DOCK5: variants seen among roughly 807,000 people sequenced by gnomAD.
DOCK5 encodes the protein dedicator of cytokinesis 5, also known as dedicator of cytokinesis protein 5.
In DOCK5, 142 loss-of-function variants were observed where a neutral mutation model predicts 251.8. The ratio of observed to expected loss-of-function variants is 0.56; its 90% CI spans 0.49 to 0.65. The LOEUF (loss-of-function observed/expected upper bound fraction) is 0.65. Ranked by LOEUF, DOCK5 falls within the 30% of genes least tolerant of loss-of-function variation. DOCK5 has a pLI of 0.00. For missense variants in DOCK5, 2,111 were observed against 2,312.3 expected, an observed-to-expected ratio of 0.91 and a Z score of 1.79; for synonymous variants, 842 against 835.5, an observed-to-expected ratio of 1.01 and a Z score of -0.13.
intron 5 of DOCK5, among the ~76,000 whole-genome samples, chr8:25,279,528 G>A (rs1804134049): frequency 6.6e-6 from 1 of 151,458 alleles, no homozygotes; most frequent in African/African-American, 2.4e-5. Flanking sequence ...CTGCAGTGGC[G>A]CTGTCCCGGC....
At chr8:25,360,011 C>T (rs192912067) in intron 28 of DOCK5, among the ~76,000 whole-genome samples, 6 of 152,302 alleles carry the variant, frequency 3.9e-5, no homozygotes, top group Admixed American at 2.6e-4. Flanking sequence ...GAGCAGTGGA[C>T]AGGATGTGCC....
intron 4 of DOCK5, 56 bp from the exon 5 acceptor site, chr8:25,278,513 A>C (rs942135273): frequency 1.2e-5 from 19 of 1,540,392 alleles, no homozygotes; most frequent in Non-Finnish European, 1.5e-5. Context: ...ATCCCCATCA[A>C]GTAAAGCAGT....
chr8:25,390,254 A>T lies in DOCK5; in HGVS notation c.4322A>T (p.Tyr1441Phe). ...VKPVMSLPPS[Y>F]KDKPVPEQIL... Reference sequence around the variant, plus strand: ...CCAGTGATGAGCTTGCCGCCCAGCTACAAGGATAAACCTGTTCCAGAGCAG... The same window carrying T: ...CCAGTGATGAGCTTGCCGCCCAGCTTCAAGGATAAACCTGTTCCAGAGCAG... Residue 1441 changes from tyrosine (Y) to phenylalanine (F), a missense_variant, in exon 42 of 52, where the codon TAC becomes TTC. Physicochemically the swap from Tyr to Phe is conservative, Grantham distance 22. Transcript: ENST00000276440. 6.3e-7 allele frequency: 1 copy of T among 1,591,556 alleles called. No individual in the cohort carries two copies. The highest frequency in any genetic ancestry group is 8.6e-7 in the Non-Finnish European group (1 of 1,168,450).
intron 40 of DOCK5, among the ~76,000 whole-genome samples, chr8:25,385,159 T>G (rs1801142124): frequency 6.6e-6 from 1 of 152,080 alleles, no homozygotes; most frequent in African/African-American, 2.4e-5. Flanking sequence ...TGGAAGAGCC[T>G]GCAGGGCCTT....
At chr8:25,400,022 C>T (rs548378694) in intron 46 of DOCK5, 28 bp downstream of exon 46, 14 of 1,580,296 alleles carry the variant, frequency 8.9e-6, no homozygotes, top group East Asian at 6.7e-5. Context: ...TCTACACTCC[C>T]AGGGAGGCCA....
At chr8:25,299,335 T>C (rs1465430056) in intron 8 of DOCK5, 3 of 455,370 alleles carry the variant, frequency 6.6e-6, no homozygotes, top group African/African-American at 6.0e-5. Flanking sequence ...TAAAACTCAT[T>C]AGGGCTTGGA....
chr8:25,230,998 A>C lies in DOCK5; in HGVS notation c.44-12676A>C, dbSNP rs563415521. Among the ~76,000 whole-genome samples the C allele has an allele frequency of 7.9e-5, 12 of 152,266 alleles. No individual in the cohort carries two copies. The South Asian group carries it at 2.5e-3, about 32-fold the overall frequency. On this transcript the variant is annotated intron_variant, in intron 1 of 51. Coordinates refer to ENST00000276440, the MANE Select transcript of DOCK5 (RefSeq NM_024940.8). ...AATCCTATACTCATGCTCTTCCCTA[A>C]TTGTCTGACACCTTGGCCCCACCCT...
chr8:25,346,010 C>A (rs941447645), intron 26 of DOCK5, among the ~76,000 whole-genome samples: 2 of 152,164 alleles, frequency 1.3e-5, no homozygotes, highest in East Asian at 3.9e-4. Flanking sequence ...CCACCACGCC[C>A]GGCTAATTTT....
chr8:25,313,481 G>T (rs1805154194), intron 13 of DOCK5, among the ~76,000 whole-genome samples: 1 of 152,134 alleles, frequency 6.6e-6, no homozygotes, highest in Non-Finnish European at 1.5e-5. Flanking sequence ...TGGGGCTTCT[G>T]CTAGAACCCC....
chr8:25,298,283 G>C (rs947477261), intron 7 of DOCK5, among the ~76,000 whole-genome samples: 1 of 152,102 alleles, frequency 6.6e-6, no homozygotes, highest in African/African-American at 2.4e-5. Context: ...AGCCTTTCTA[G>C]TGGAATATTT....
Position 25,377,208 on chromosome 8 carries a change from C to CA in DOCK5, c.3817-93dup, listed in dbSNP as rs529977621. ...TGTGTTTAATACATAATCTAAAATA[C>CA]AAAATCAATGAGTCAAATATATATA... On this transcript the variant is annotated intron_variant, in intron 37 of 51. Transcript: ENST00000276440. The CA allele has an allele frequency of 1.5e-4, 209 of 1,416,640 alleles. No individual in the cohort carries two copies. In the African/African-American group the frequency reaches 2.6e-3, roughly 18 times the overall value. 87.8% of individuals were successfully genotyped at this position (1,416,640 alleles called of 1,614,324 possible). A position where few individuals can be genotyped will look rare whatever the true frequency, so the allele number is the denominator to read the frequency against.
At chr8:25,194,900 G>T (rs1586218157) in intron 1 of DOCK5, among the ~76,000 whole-genome samples, 1 of 146,598 alleles carries the variant, frequency 6.8e-6, no homozygotes, top group Admixed American at 7.2e-5. Context: ...ATTAGCGTCT[G>T]CAGGGCTACT....
intron 18 of DOCK5, among the ~76,000 whole-genome samples, chr8:25,328,850 CTCAG>C (rs1805622116): frequency 6.6e-6 from 1 of 152,182 alleles, no homozygotes; most frequent in Non-Finnish European, 1.5e-5. Flanking sequence ...GAGGTTCATA[CTCAG>C]TCAGTCATTG....
At chr8:25,399,849 C>T (rs1586396047) in intron 45 of DOCK5, 62 bp from the exon 46 acceptor site, 1 of 1,338,968 alleles carries the variant, frequency 7.5e-7, no homozygotes, top group East Asian at 2.5e-5. Flanking sequence ...TTTCACCCTT[C>T]CAGGCTTTCC....
chr8:25,368,814 T>A (rs2117280171), intron 33 of DOCK5, 89 bp downstream of exon 33: 1 of 1,310,426 alleles, frequency 7.6e-7, no homozygotes, highest in Non-Finnish European at 1.0e-6. Flanking sequence ...GCAGTAACCT[T>A]AATAATGCAA....
At chr8:25,217,277 A>C (rs1586235762) in intron 1 of DOCK5, among the ~76,000 whole-genome samples, 1 of 151,420 alleles carries the variant, frequency 6.6e-6, no homozygotes, top group Non-Finnish European at 1.5e-5. Flanking sequence ...ATGCATATAT[A>C]TGCATATATA....
chr8:25,260,679 C>G (rs1487572765), intron 2 of DOCK5, among the ~76,000 whole-genome samples: 1 of 152,176 alleles, frequency 6.6e-6, no homozygotes, highest in Non-Finnish European at 1.5e-5. Context: ...AAGACAATGT[C>G]TGGCACACTG....
chr8:25,309,238 GC>G (rs1805026949), intron 12 of DOCK5, among the ~76,000 whole-genome samples: 1 of 152,052 alleles, frequency 6.6e-6, no homozygotes, highest in Admixed American at 6.6e-5. Context: ...AGGCTGGAGT[GC>G]AATTGCATGG....
At chr8:25,267,420 T>G (rs1219069637) in intron 2 of DOCK5, among the ~76,000 whole-genome samples, 1 of 152,222 alleles carries the variant, frequency 6.6e-6, no homozygotes, top group Non-Finnish European at 1.5e-5. Context: ...ATTGAATATA[T>G]GCCCAAAGAA....
Sources: allele counts gnomAD v4.1 joint callset (sites outside exome capture counted in the v4.1 genomes callset), GRCh38; gene constraint gnomAD v4.1.1; transcripts MANE v1.5; gene names NCBI Gene and HGNC (gene_info 2026-07-23, HGNC 2026-07-21).